The following LRP1B variants were observed in gnomAD, a reference collection of about 807,000 sequenced individuals.
LRP1B encodes low-density lipoprotein receptor-related protein 1B.
A neutral mutation model predicts 556.6 loss-of-function variants in LRP1B; 217 were observed. The ratio of observed to expected loss-of-function variants is 0.39; its 90% confidence interval spans 0.35 to 0.44. LRP1B has a LOEUF of 0.44. Ranked by LOEUF, LRP1B falls within the 20% of genes least tolerant of loss-of-function variation. The pLI is 1.00. For missense variants in LRP1B, 5,053 were observed against 5,620.8 expected (o/e 0.90, Z 3.23); for synonymous variants, 2,047 against 1,865.8 (o/e 1.10, Z -2.50).
intron 21 of LRP1B, among the ~76,000 whole-genome samples, chr2:140,909,380 A>G (rs1694351141): frequency 6.6e-6 from 1 of 152,074 alleles, no homozygotes; most frequent in Non-Finnish European, 1.5e-5. Flanking sequence ...AAATTTTAAA[A>G]TAATTAAAAT....
At chr2:140,776,354 T>C (rs1689498574) in intron 32 of LRP1B, 116 bp from the exon 33 acceptor site, 2 of 650,636 alleles carry the variant, frequency 3.1e-6, no homozygotes, top group Admixed American at 8.0e-5. Context: ...CCAAACTCTG[T>C]TTCTAAGGGA....
At chr2:140,941,986 G>A (rs1377065217) in intron 20 of LRP1B, among the ~76,000 whole-genome samples, 2 of 152,038 alleles carry the variant, frequency 1.3e-5, no homozygotes, top group Non-Finnish European at 2.9e-5. Flanking sequence ...TCAGAAACTG[G>A]ATGGCAAGGA....
At chr2:140,739,729 A>G (rs1270346722) in intron 35 of LRP1B, among the ~76,000 whole-genome samples, 1 of 152,160 alleles carries the variant, frequency 6.6e-6, no homozygotes, top group Non-Finnish European at 1.5e-5. Flanking sequence ...AATTTAAACA[A>G]TAGAAACTTA....
intron 3 of LRP1B, among the ~76,000 whole-genome samples, chr2:141,478,254 C>T (rs73963304): frequency 0.09 from 13,670 of 152,096 alleles, 844 homozygotes; most frequent in African/African-American, 0.17. Flanking sequence ...TATTTTCATA[C>T]GATCCTTGGC....
intron 7 of LRP1B, among the ~76,000 whole-genome samples, chr2:141,120,148 C>A (rs1231337669): frequency 6.6e-6 from 1 of 151,828 alleles, no homozygotes; most frequent in Non-Finnish European, 1.5e-5. Context: ...CAAGGAATTT[C>A]AGATTTGAAA....
At chr2:141,316,396 G>A (rs1687038361) in intron 3 of LRP1B, among the ~76,000 whole-genome samples, 1 of 152,108 alleles carries the variant, frequency 6.6e-6, no homozygotes, top group Non-Finnish European at 1.5e-5. Context: ...ACACTTTTCT[G>A]CTCAGAGTTT....
intron 2 of LRP1B, among the ~76,000 whole-genome samples, chr2:141,673,927 TA>T (rs1275291963): frequency 6.6e-6 from 1 of 151,960 alleles, no homozygotes; most frequent in Non-Finnish European, 1.5e-5. Context: ...GCTGCAAATT[TA>T]AAAATAATAC....
chr2:141,832,824 T>C (rs981572891), intron 1 of LRP1B, among the ~76,000 whole-genome samples: 1 of 151,906 alleles, frequency 6.6e-6, no homozygotes, highest in African/African-American at 2.4e-5. Flanking sequence ...AATTATTTGT[T>C]CAAACTAAAA....
intron 6 of LRP1B, among the ~76,000 whole-genome samples, chr2:141,210,666 A>G (rs1175124489): frequency 6.6e-6 from 1 of 152,206 alleles, no homozygotes; most frequent in African/African-American, 2.4e-5. Context: ...AAAATCCATT[A>G]ATGAAACAAG....
intron 7 of LRP1B, among the ~76,000 whole-genome samples, chr2:141,100,115 A>C (rs1159037303): frequency 6.6e-6 from 1 of 152,154 alleles, no homozygotes; most frequent in Admixed American, 6.6e-5. Flanking sequence ...GAACTCCCCA[A>C]AATGAAGCCA....
intron 71 of LRP1B, among the ~76,000 whole-genome samples, chr2:140,366,181 T>A (rs1021387670): frequency 1.3e-5 from 2 of 151,600 alleles, no homozygotes; most frequent in African/African-American, 2.4e-5. Context: ...GTCATGGCAA[T>A]CCAGAGAAGA....
chr2:140,595,653 T>C (rs1682413087), intron 43 of LRP1B, among the ~76,000 whole-genome samples: 1 of 152,172 alleles, frequency 6.6e-6, no homozygotes, highest in Non-Finnish European at 1.5e-5. Flanking sequence ...AGCTGTCATT[T>C]GTTTTTACAA....
intron 1 of LRP1B, among the ~76,000 whole-genome samples, chr2:142,054,666 G>C (rs1704595819): frequency 6.6e-6 from 1 of 152,052 alleles, no homozygotes; most frequent in Non-Finnish European, 1.5e-5. Context: ...CAGTAGAGTG[G>C]AAGCTCCTAC....
chr2:141,439,056 T>C (rs192984296), intron 3 of LRP1B, among the ~76,000 whole-genome samples: 2 of 152,298 alleles, frequency 1.3e-5, no homozygotes, highest in Non-Finnish European at 2.9e-5. Context: ...CCATTTTATA[T>C]AATGTTCATA....
At chr2:141,565,094 T>A (rs970022629) in intron 2 of LRP1B, among the ~76,000 whole-genome samples, 4 of 152,112 alleles carry the variant, frequency 2.6e-5, no homozygotes, top group African/African-American at 9.7e-5. Flanking sequence ...TGGTCCACTA[T>A]TAGAGCCACC....
chr2:142,117,290 C>T (rs1471617945), intron 1 of LRP1B, among the ~76,000 whole-genome samples: 9 of 152,218 alleles, frequency 5.9e-5, no homozygotes, highest in Non-Finnish European at 1.0e-4. Context: ...TTCTCTCCCC[C>T]GATTCTGCTT....
chr2:141,976,525 A>T (rs1277492539), intron 1 of LRP1B, among the ~76,000 whole-genome samples: 3 of 152,146 alleles, frequency 2.0e-5, no homozygotes, highest in Non-Finnish European at 4.4e-5. Flanking sequence ...CAGCCCTATG[A>T]ATCTTGTCTG....
At chr2:140,406,265 C>A (rs1257382581) in intron 66 of LRP1B, among the ~76,000 whole-genome samples, 2 of 152,128 alleles carry the variant, frequency 1.3e-5, no homozygotes, top group South Asian at 2.1e-4. Context: ...GAAAGCATGA[C>A]CCCCTGAGAA....
At chr2:141,539,709 T>C (rs986536681) in intron 2 of LRP1B, among the ~76,000 whole-genome samples, 4 of 152,194 alleles carry the variant, frequency 2.6e-5, no homozygotes, top group African/African-American at 7.2e-5. Context: ...TTATAACTAT[T>C]GAATGCTACC....
Sources: allele counts gnomAD v4.1 joint callset (sites outside exome capture counted in the v4.1 genomes callset), GRCh38; gene constraint gnomAD v4.1.1; transcripts MANE v1.5; gene names NCBI Gene and HGNC (gene_info 2026-07-23, HGNC 2026-07-21).